Variants in PPP1CC observed in about 807,000 individuals in gnomAD.
PPP1CC encodes the protein protein phosphatase 1 catalytic subunit gamma.
In PPP1CC, 16 loss-of-function variants were observed where a neutral mutation model predicts 38.4. That is an observed-to-expected ratio of 0.42 (90% confidence interval 0.28 to 0.63). The LOEUF is 0.63. Ranked by LOEUF, PPP1CC falls within the 30% of genes least tolerant of loss-of-function variation. The probability of loss-of-function intolerance (pLI) is 0.25; values close to 1 mark genes in which losing one functional copy is unlikely to be tolerated. For synonymous variants in PPP1CC, 158 were observed against 136.0 expected (o/e 1.16, Z -1.13); for missense variants, 170 against 391.3 (o/e 0.43, Z 4.77).
At chr12:110,714,108 C>T in the PPP1CC span, among the ~76,000 whole-genome samples, 14 of 151,984 alleles carry the variant, frequency 9.2e-5, 1 homozygote, top group African/African-American at 2.9e-4. Flanking sequence ...CAAAAACAAA[C>T]GAAAACAAAA....
chr12:110,731,648 G>T, intron 2 of PPP1CC, 122 bp downstream of exon 2: 1 of 1,034,948 alleles, frequency 9.7e-7, no homozygotes. Flanking sequence ...TTACTTTTAA[G>T]TAGTTCCAAG....
At chr12:110,715,001 C>T (rs1475960321), downstream of PPP1CC, among the ~76,000 whole-genome samples, 9 of 151,884 alleles carry the variant, frequency 5.9e-5, no homozygotes, top group South Asian at 8.3e-4. Flanking sequence ...GCCACACCTA[C>T]CTAACTTGCC....
At chr12:110,741,148 C>T (rs1446306703) in intron 1 of PPP1CC, among the ~76,000 whole-genome samples, 1 of 151,606 alleles carries the variant, frequency 6.6e-6, no homozygotes. Context: ...AATAACATTT[C>T]AAGAGCATTT....
intron 1 of PPP1CC, among the ~76,000 whole-genome samples, chr12:110,735,830 C>T (rs1334213950): frequency 2.6e-5 from 4 of 151,620 alleles, no homozygotes; most frequent in Non-Finnish European, 5.9e-5. Context: ...TTTAGGAGTC[C>T]GAAGCGGGCG....
chr12:110,738,566 T>C (rs904470057), intron 1 of PPP1CC, among the ~76,000 whole-genome samples: 5 of 152,222 alleles, frequency 3.3e-5, no homozygotes, highest in Admixed American at 2.0e-4. Context: ...CAGGTTGTAA[T>C]AGGACTGTGC....
At chr12:110,708,991 C>T in the PPP1CC span, among the ~76,000 whole-genome samples, 2 of 151,942 alleles carry the variant, frequency 1.3e-5, no homozygotes, top group African/African-American at 2.4e-5. Flanking sequence ...CAATTCAGGC[C>T]GCAGAGAATC....
rs926463438 is a variant in PPP1CC, at chr12:110,742,882, C to G, written c.-175G>C. Reference sequence around the variant, plus strand: ...CTTCCTCCTTCTCTCCCCACTGGAACCACGAGAAGAACAAAATGGCCGCCG... The same window carrying G: ...CTTCCTCCTTCTCTCCCCACTGGAAGCACGAGAAGAACAAAATGGCCGCCG... On this transcript the variant is annotated 5_prime_UTR_variant, in exon 1 of 7. Coordinates refer to ENST00000335007, the MANE Select transcript of PPP1CC (RefSeq NM_002710.4). The G allele has an allele frequency of 4.4e-5, 19 of 428,576 alleles. No individual in the cohort carries two copies. The highest frequency in any genetic ancestry group is 4.5e-4 in the Middle Eastern group (1 of 2,206). The allele number at this position is 428,576 out of a possible 1,614,324, so 26.5% of individuals were successfully genotyped here. A position where few individuals can be genotyped will look rare whatever the true frequency, so the allele number is the denominator to read the frequency against.
chr12:110,710,650 A>G, the PPP1CC span, among the ~76,000 whole-genome samples: 16 of 141,726 alleles, frequency 1.1e-4, no homozygotes, highest in African/African-American at 4.0e-4. Flanking sequence ...CCCAGGGGGC[A>G]GAGCTTGCAG....
chr12:110,728,255 C>T (rs537051696), intron 3 of PPP1CC, among the ~76,000 whole-genome samples: 1 of 152,050 alleles, frequency 6.6e-6, no homozygotes, highest in East Asian at 1.9e-4. Flanking sequence ...AAAAATTAGC[C>T]GGGCGTAGTG....
chr12:110,713,290 G>A, the PPP1CC span, among the ~76,000 whole-genome samples: 1 of 151,822 alleles, frequency 6.6e-6, no homozygotes, highest in Non-Finnish European at 1.5e-5. Context: ...ACGCTGCCAC[G>A]CCCGGCTAAT....
At chr12:110,739,302 T>C (rs1421759228) in intron 1 of PPP1CC, among the ~76,000 whole-genome samples, 1 of 151,734 alleles carries the variant, frequency 6.6e-6, no homozygotes, top group African/African-American at 2.4e-5. Flanking sequence ...AGTGAGACTC[T>C]GTCTCCAAAA....
chr12:110,734,303 T>C (rs1292808187), intron 1 of PPP1CC, among the ~76,000 whole-genome samples: 1 of 152,222 alleles, frequency 6.6e-6, no homozygotes, highest in Non-Finnish European at 1.5e-5. Context: ...CTTTAAGTAG[T>C]GTTGACTGGT....
chr12:110,728,391 C>T (rs1191134819), intron 3 of PPP1CC, among the ~76,000 whole-genome samples: 1 of 135,208 alleles, frequency 7.4e-6, no homozygotes, highest in African/African-American at 2.8e-5. Flanking sequence ...GAGCGAGACT[C>T]CGTCTCAAAA....
Position 110,720,290 on chromosome 12 carries a change from T to A in PPP1CC, c.*786A>T. On this transcript the variant is annotated 3_prime_UTR_variant, in exon 7 of 7. Coordinates refer to ENST00000335007, the MANE Select transcript of PPP1CC (RefSeq NM_002710.4). ...TTATCGTTAGTAGCTTAAACAGCAC[T>A]ATATCACTAATTGCTATTCAAAATC... 1 of 1,143,114 alleles carries A rather than the reference T, an allele frequency of 8.7e-7. No homozygotes were observed. The highest frequency in any genetic ancestry group is 1.2e-6 in the Non-Finnish European group (1 of 801,554). The allele number at this position is 1,143,114 out of a possible 1,614,324, so 70.8% of individuals were successfully genotyped here.
chr12:110,720,969 A>C lies in PPP1CC; in HGVS notation c.*107T>G, dbSNP rs1566080689. ...CAAAAATGGAAGGAAGGGCCCCCAC[A>C]AACACAGATCTATCTGAGCAAGCTG... On this transcript the variant is annotated 3_prime_UTR_variant, in exon 7 of 7. Transcript: ENST00000335007. 1.1e-6 allele frequency: 1 copy of C among 928,292 alleles called. No individual in the cohort carries two copies. Among genetic ancestry groups the C allele is most frequent in the Non-Finnish European group, 1.6e-6 (1 of 621,374 alleles). The allele number at this position is 928,292 out of a possible 1,614,324, so 57.5% of individuals were successfully genotyped here. A position where few individuals can be genotyped will look rare whatever the true frequency, so the allele number is the denominator to read the frequency against.
intron 3 of PPP1CC, among the ~76,000 whole-genome samples, chr12:110,730,179 G>A (rs2069855929): frequency 5.3e-5 from 8 of 152,228 alleles, no homozygotes; most frequent in Admixed American, 2.6e-4. Context: ...GCAACAAGGT[G>A]AAACCCCATC....
intron 1 of PPP1CC, among the ~76,000 whole-genome samples, chr12:110,740,989 A>G (rs925407122): frequency 5.3e-5 from 8 of 152,232 alleles, no homozygotes; most frequent in African/African-American, 1.7e-4. Flanking sequence ...TTCTTACAGC[A>G]AACTATTTTA....
chr12:110,742,192 C>T (rs570754637), intron 1 of PPP1CC, among the ~76,000 whole-genome samples: 5 of 152,130 alleles, frequency 3.3e-5, no homozygotes, highest in African/African-American at 9.7e-5. Context: ...AGGAAAAGAG[C>T]CCCCAAACCC....
the PPP1CC span, among the ~76,000 whole-genome samples, chr12:110,709,840 C>T: frequency 6.6e-6 from 1 of 151,520 alleles, no homozygotes; most frequent in East Asian, 1.9e-4. Context: ...AGCTACTGCG[C>T]CTGGTCAAAT....
Sources: gnomAD v4.1 joint callset for allele counts (sites outside exome capture counted in the v4.1 genomes callset) on GRCh38, gnomAD v4.1.1 for gene constraint, MANE v1.5 for transcripts, NCBI Gene and HGNC (gene_info 2026-07-23, HGNC 2026-07-21) for gene names.